The following ZSCAN5C variants were observed in gnomAD, a reference collection of about 807,000 sequenced individuals.
ZSCAN5C encodes zinc finger and SCAN domain containing 5C.
Under a neutral mutation model 17.3 loss-of-function variants are expected in ZSCAN5C, and 11 were observed. The ratio of observed to expected loss-of-function variants is 0.64; its 90% CI spans 0.40 to 1.06. The LOEUF (loss-of-function observed/expected upper bound fraction) is 1.06, where lower values mean the gene tolerates loss of function less well. Ranked by LOEUF, ZSCAN5C falls within the 50% of genes least tolerant of loss-of-function variation. The pLI, the probability that ZSCAN5C is intolerant of heterozygous loss-of-function variation, is 0.00. For missense variants in ZSCAN5C, 698 were observed against 538.9 expected, an observed-to-expected ratio of 1.30 and a Z score of -2.92; for synonymous variants, 229 against 208.4, an observed-to-expected ratio of 1.10 and a Z score of -0.85.
chr19:56,207,548 A>T (rs12709955), intron 3 of ZSCAN5C, among the ~76,000 whole-genome samples: 5,124 of 151,300 alleles, frequency 0.034, 365 homozygotes, highest in African/African-American at 0.11. Context: ...TGAAGGTCCC[A>T]TCCCCATCCA....
rs1049307745 is a variant in ZSCAN5C at position 56,202,876 on chromosome 19, T to C, written c.-128+554T>C. ...GCCACACACCACTTGTTAAAAAGCA[T>C]CGCTGGATTCTCCCTTTCCACAGGG... On this transcript the variant is annotated intron_variant, in intron 1 of 4. Transcript: ENST00000534327. Among the ~76,000 whole-genome samples the C allele has an allele frequency of 2.0e-4, 31 of 152,108 alleles. 1 individual carries two copies. The highest frequency in any genetic ancestry group is 5.9e-4 in the Admixed American group (9 of 15,288).
intron 3 of ZSCAN5C, 31 bp from the exon 4 acceptor site, chr19:56,208,003 G>A (rs762351501): frequency 1.3e-5 from 9 of 703,476 alleles, no homozygotes; most frequent in Non-Finnish European, 2.1e-5. Context: ...TTTAGGCATG[G>A]CAGTCATTGC....
In ZSCAN5C at chr19:56,209,178, A is replaced by G. The variant is rs745616329; in HGVS notation, c.1469A>G (p.His490Arg). 4 of 926,896 alleles carry G rather than the reference A, an allele frequency of 4.3e-6. No homozygotes were observed. In the East Asian group the frequency reaches 1.0e-4, roughly 24 times the overall value. 57.4% of individuals were successfully genotyped at this position (926,896 alleles called of 1,614,324 possible). A position where few individuals can be genotyped will look rare whatever the true frequency, so the allele number is the denominator to read the frequency against. The change falls in exon 5 of 5, where the codon CAT becomes CGT. Residue 490 changes from histidine (H) to arginine (R), a missense_variant. Transcript: ENST00000534327. ...ACCTTAAGACGCCACCAGAAAACACATCGAGAAGCCACTTCACAGTGACTT... is the reference window on the plus strand; with the variant it reads ...ACCTTAAGACGCCACCAGAAAACACGTCGAGAAGCCACTTCACAGTGACTT...
At position 56,208,967 on chromosome 19, in the gene ZSCAN5C, C is replaced by T. The variant is rs757999954; in HGVS notation, c.1258C>T (p.Gln420Ter). ...CTACACGTGTGACATCTGCCAGAAG[C>T]AGTTCACCCAGAAGTCCTACTTGAA... Residue 420 changes from glutamine (Q) to a stop codon, truncating the protein, a stop_gained, in exon 5 of 5, where the codon CAG (glutamine) becomes TAG (stop). Coordinates refer to ENST00000534327, the Ensembl canonical transcript of ZSCAN5C. LOFTEE classifies it low-confidence loss of function (END_TRUNC). 5.6e-6 allele frequency: 9 copies of T among 1,613,516 alleles called. No homozygotes were observed. Among genetic ancestry groups the T allele is most frequent in the Middle Eastern group, 1.7e-4 (1 of 6,058 alleles).
rs375338886 is a variant in ZSCAN5C, at chr19:56,208,877, G to A, written c.1168G>A (p.Gly390Arg). The change falls in exon 5 of 5, where the codon GGG becomes AGG. Residue 390 changes from glycine to arginine, a missense_variant. Around this residue, in one of 3 missense-constraint regions of ZSCAN5C, gnomAD observed 554 missense variants for 390.5 expected, o/e 1.42. Coordinates refer to ENST00000534327, the Ensembl canonical transcript of ZSCAN5C. ...GAGACTCTTTCAGTGTAATCTCTGC[G>A]GGAAGCGCTTCATGCAGCGCATAGG... 176 of 1,586,188 alleles carry A rather than the reference G, an allele frequency of 1.1e-4. 2 individuals are homozygous for A. The East Asian group carries it at 2.2e-3, about 20-fold the overall frequency.
intron 2 of ZSCAN5C, among the ~76,000 whole-genome samples, chr19:56,206,686 G>A (rs1259720875): frequency 2.0e-5 from 3 of 151,882 alleles, no homozygotes; most frequent in Non-Finnish European, 4.4e-5. Flanking sequence ...GGAATGTAGG[G>A]AAGGAGGCAT....
chr19:56,204,655 G>C (rs377561259), intron 1 of ZSCAN5C, among the ~76,000 whole-genome samples: 1 of 151,768 alleles, frequency 6.6e-6, no homozygotes, highest in African/African-American at 2.4e-5. Context: ...GTTGTCTCCC[G>C]CCTCTGCCGA....
In ZSCAN5C at chr19:56,202,987, C is replaced by T. The variant is rs967707262; in HGVS notation, c.-128+665C>T. 6.8e-4 allele frequency among the ~76,000 whole-genome samples: 104 copies of T among 152,154 alleles called. 2 individuals are homozygous for T. Among genetic ancestry groups the T allele is most frequent in the African/African-American group, 2.2e-3 (89 of 41,390 alleles). ...TGTCCCTACCTGGGGGTCCTGTGTG[C>T]TGTATACTCCCAGAATTGAATACTA... On this transcript the variant is annotated intron_variant, in intron 1 of 4. Transcript: ENST00000534327.
At chr19:56,206,226 A>G (rs761873140) in exon 2 of ZSCAN5C, 42 of 1,579,472 alleles carry the variant, frequency 2.7e-5, no homozygotes, top group Middle Eastern at 4.6e-4. Flanking sequence ...GGTCTTAGTC[A>G]TGATGAACGG....
chr19:56,204,732 GC>G (rs1568589869), intron 1 of ZSCAN5C, among the ~76,000 whole-genome samples: 1 of 151,774 alleles, frequency 6.6e-6, no homozygotes, highest in African/African-American at 2.4e-5. Context: ...TGGGGCACTC[GC>G]CCTCCAGGCT....
chr19:56,203,571 A>G (rs1158281213), intron 1 of ZSCAN5C, among the ~76,000 whole-genome samples: 1 of 149,658 alleles, frequency 6.7e-6, no homozygotes, highest in Admixed American at 6.7e-5. Flanking sequence ...TTAAACCTAT[A>G]TCTCCCCAAC....
exon 3 of ZSCAN5C, chr19:56,207,132 G>A (rs774319475): frequency 5.2e-6 from 4 of 776,296 alleles, no homozygotes; most frequent in Non-Finnish European, 9.6e-6. Context: ...GCCCCCGCCA[G>A]TGTCAGAGAT....
intron 1 of ZSCAN5C, among the ~76,000 whole-genome samples, chr19:56,204,959 C>T (rs908704839): frequency 6.6e-6 from 1 of 151,696 alleles, no homozygotes; most frequent in Non-Finnish European, 1.5e-5. Context: ...ATTGTATCAA[C>T]CCACTTCTTT....
At chr19:56,208,653 A>T in exon 5 of ZSCAN5C, 1 of 1,612,350 alleles carries the variant, frequency 6.2e-7, no homozygotes, top group Non-Finnish European at 8.5e-7. Flanking sequence ...CCTCAAGGAG[A>T]AGCCACACCT....
intron 2 of ZSCAN5C, 47 bp downstream of exon 2, chr19:56,206,344 G>T (rs1008784258): frequency 3.5e-6 from 5 of 1,416,116 alleles, no homozygotes; most frequent in Non-Finnish European, 4.8e-6. Context: ...AGCTGGGATG[G>T]GGGCTGCATG....
At position 56,208,497 on chromosome 19, in the gene ZSCAN5C, C is replaced by A. The variant is rs746257251; in HGVS notation, c.788C>A (p.Ser263Tyr). Reference sequence around the variant, plus strand: ...GGGAAGGAACCCCAAAAAAGAGCCTCTGTGGAAAATGTGGATGCTGACACA... The same window carrying A: ...GGGAAGGAACCCCAAAAAAGAGCCTATGTGGAAAATGTGGATGCTGACACA... The change falls in exon 5 of 5, where the codon TCT becomes TAT. Residue 263 changes from serine (S) to tyrosine (Y), a missense_variant. By Grantham distance (144) the Ser-to-Tyr change is moderately radical. Coordinates refer to ENST00000534327, the Ensembl canonical transcript of ZSCAN5C. 3 of 1,540,944 alleles carry A rather than the reference C, an allele frequency of 1.9e-6. No individual in the cohort carries two copies. The South Asian group carries it at 3.4e-5, about 17-fold the overall frequency.
intron 3 of ZSCAN5C, among the ~76,000 whole-genome samples, chr19:56,207,765 G>A (rs2032940216): frequency 6.6e-6 from 1 of 151,748 alleles, no homozygotes; most frequent in Admixed American, 6.6e-5. Flanking sequence ...TCTCTGCTCT[G>A]CACAGGAGCG....
chr19:56,205,369 C>G (rs1174386414), intron 1 of ZSCAN5C, among the ~76,000 whole-genome samples: 1 of 151,882 alleles, frequency 6.6e-6, no homozygotes, highest in Admixed American at 6.6e-5. Context: ...CAATATCTTA[C>G]GTTGTAACTA....
At position 56,207,045 on chromosome 19, in the gene ZSCAN5C, T is replaced by C. The variant is rs1431998000; in HGVS notation, c.385-14T>C. ...TTCTCATAGTTAGTCTGATTGCTTT[T>C]TTTCTCTCTATAGTCTGTAGTCAGT... On this transcript the variant is annotated splice_polypyrimidine_tract_variant and intron_variant, in intron 2 of 4. Coordinates refer to ENST00000534327, the Ensembl canonical transcript of ZSCAN5C. 1 of 706,266 alleles carries C rather than the reference T, an allele frequency of 1.4e-6. No individual in the cohort carries two copies. The highest frequency in any genetic ancestry group is 1.5e-5 in the South Asian group (1 of 67,782). 43.7% of individuals were successfully genotyped at this position (706,266 alleles called of 1,614,324 possible). A position where few individuals can be genotyped will look rare whatever the true frequency, so the allele number is the denominator to read the frequency against.
Sources: gnomAD v4.1 joint callset for allele counts (sites outside exome capture counted in the v4.1 genomes callset) on GRCh38, gnomAD v4.1.1 for gene constraint, gnomAD v4.1.1 regional missense constraint, MANE v1.5 for transcripts, NCBI Gene and HGNC (gene_info 2026-07-23, HGNC 2026-07-21) for gene names.